The following ZHX3 variants were observed in gnomAD, a reference collection of about 807,000 sequenced individuals.
ZHX3 encodes the protein zinc fingers and homeoboxes protein 3.
ZHX3 carries 20 observed loss-of-function variants against 64.5 expected under a neutral mutation model. The ratio of observed to expected loss-of-function variants is 0.31; its 90% confidence interval spans 0.22 to 0.45. The LOEUF is 0.45. Among genes scored for constraint, ZHX3 ranks in the 20% least tolerant of loss-of-function variants. The pLI is 1.00. For missense variants in ZHX3, 1,041 were observed against 1,195.8 expected (o/e 0.87, Z 1.91); for synonymous variants, 423 against 461.6 (o/e 0.92, Z 1.07).
At chr20:41,238,938 G>A (rs6072313) in intron 2 of ZHX3, 15 of 150,798 alleles carry the variant, frequency 9.9e-5, no homozygotes, top group Non-Finnish European at 1.9e-4. Flanking sequence ...AGCGGCTTCA[G>A]GTTGAGTTTG....
intron 3 of ZHX3, among the ~76,000 whole-genome samples, chr20:41,193,589 G>A (rs2037225713): frequency 1.3e-5 from 2 of 151,950 alleles, no homozygotes; most frequent in Non-Finnish European, 2.9e-5. Context: ...ACTGTGCCCA[G>A]CTAAATACAA....
intron 2 of ZHX3, chr20:41,238,913 G>C (rs1469245669): frequency 6.6e-6 from 1 of 150,700 alleles, no homozygotes; most frequent in Admixed American, 6.6e-5. Flanking sequence ...GCTGGCACAT[G>C]CAAATGGAAA....
At position 41,224,794 on chromosome 20, in the gene ZHX3, A is replaced by T. The variant is rs377202205; in HGVS notation, c.-150-19728T>A. Among the ~76,000 whole-genome samples, 47 of 152,360 alleles carry T rather than the reference A, an allele frequency of 3.1e-4. No homozygotes were observed. Among genetic ancestry groups the T allele is most frequent in the African/African-American group, 1.1e-3 (46 of 41,594 alleles). On this transcript the variant is annotated intron_variant, in intron 2 of 3. Coordinates refer to ENST00000683867, the MANE Select transcript of ZHX3 (RefSeq NM_001384317.1). The surrounding 1 kb of genome is among the most constrained non-coding windows in gnomAD (Gnocchi z 5.2). The stretch of plus-strand genomic sequence containing the variant: ...TGAAATCTACCTTCTTAAGAAAGGA[A>T]TGTTAGACTTTCTCTGAACATCCTA...
intron 1 of ZHX3, among the ~76,000 whole-genome samples, chr20:41,285,292 T>C (rs1282341104): frequency 6.6e-6 from 1 of 152,230 alleles, no homozygotes; most frequent in East Asian, 1.9e-4. Context: ...TAAGCATCTC[T>C]GGACAAATCA....
At chr20:41,237,996 A>G (rs2041127034) in intron 2 of ZHX3, among the ~76,000 whole-genome samples, 1 of 152,202 alleles carries the variant, frequency 6.6e-6, no homozygotes, top group Non-Finnish European at 1.5e-5. Context: ...TCTTTGAGGT[A>G]AGGGTTCAGT....
At chr20:41,196,402 T>TAATATATATTTATATAAA in intron 3 of ZHX3, among the ~76,000 whole-genome samples, 1 of 54,214 alleles carries the variant, frequency 1.8e-5, no homozygotes, top group African/African-American at 7.1e-5. Flanking sequence ...TTTATATATA[T>TAATATATATTTATATAAA]TATATATTAT....
intron 2 of ZHX3, among the ~76,000 whole-genome samples, chr20:41,236,110 T>G (rs1243204843): frequency 1.3e-5 from 2 of 151,952 alleles, no homozygotes; most frequent in Non-Finnish European, 2.9e-5. Flanking sequence ...CACTGCTCAA[T>G]GAAATAAAAG....
At chr20:41,198,182 G>C (rs1229955256) in intron 3 of ZHX3, among the ~76,000 whole-genome samples, 2 of 151,906 alleles carry the variant, frequency 1.3e-5, no homozygotes, top group Admixed American at 6.6e-5. Context: ...ATTTTTTGTA[G>C]AGATGGGTTT....
Position 41,226,169 on chromosome 20 carries a change from G to A in ZHX3, c.-150-21103C>T, listed in dbSNP as rs539952889. ...TCCCAGCACTTTGGGAGGCCGAGGCGGGTGGATCATGAGGTCAGGAGATCG... is the reference window on the plus strand; with the variant it reads ...TCCCAGCACTTTGGGAGGCCGAGGCAGGTGGATCATGAGGTCAGGAGATCG... On this transcript the variant is annotated intron_variant, in intron 2 of 3. Transcript: ENST00000683867. This position sits in a 1 kb window ranked among gnomAD's most constrained non-coding sequence, Gnocchi z 4.4. 9.2e-5 allele frequency among the ~76,000 whole-genome samples: 14 copies of A among 152,126 alleles called. No individual in the cohort carries two copies. The highest frequency in any genetic ancestry group is 3.9e-4 in the East Asian group (2 of 5,164).
chr20:41,216,785 T>G (rs1198873434), intron 2 of ZHX3, among the ~76,000 whole-genome samples: 1 of 152,216 alleles, frequency 6.6e-6, no homozygotes, highest in Non-Finnish European at 1.5e-5. Context: ...AATACAAAAT[T>G]GTCTTTCAAG....
chr20:41,236,608 A>C (rs1250159036), intron 2 of ZHX3, among the ~76,000 whole-genome samples: 1 of 152,248 alleles, frequency 6.6e-6, no homozygotes, highest in East Asian at 1.9e-4. Context: ...TACACCTTAT[A>C]CAAAAATTAA....
chr20:41,307,482 TC>T (rs754985558), intron 1 of ZHX3, among the ~76,000 whole-genome samples: 3 of 152,186 alleles, frequency 2.0e-5, no homozygotes, highest in Non-Finnish European at 4.4e-5. Flanking sequence ...TATATCCCAT[TC>T]TTTCAGATCT....
Position 41,179,970 on chromosome 20 carries a change from C to G in ZHX3, c.*5221G>C, listed in dbSNP as rs2036187276. On this transcript the variant is annotated 3_prime_UTR_variant, in exon 4 of 4. Coordinates refer to ENST00000683867, the MANE Select transcript of ZHX3 (RefSeq NM_001384317.1). The surrounding 1 kb of genome is among the most constrained non-coding windows in gnomAD (Gnocchi z 4.3). ...TGAATCATCCACTTACGGAAAGGAA[C>G]AGAAGTTAAAAAGCATTAACCAAGA... 1 of 152,644 alleles carries G rather than the reference C, an allele frequency of 6.6e-6. No homozygotes were observed. The highest frequency in any genetic ancestry group is 1.5e-5 in the Non-Finnish European group (1 of 68,040). The allele number at this position is 152,644 out of a possible 1,614,324, so 9.5% of individuals were successfully genotyped here. A position where few individuals can be genotyped will look rare whatever the true frequency, so the allele number is the denominator to read the frequency against.
intron 2 of ZHX3, among the ~76,000 whole-genome samples, chr20:41,241,186 C>A (rs1312292212): frequency 6.6e-6 from 1 of 152,082 alleles, no homozygotes; most frequent in Non-Finnish European, 1.5e-5. Flanking sequence ...TTATTGCCTG[C>A]CTTTTGGATA....
intron 2 of ZHX3, among the ~76,000 whole-genome samples, chr20:41,259,002 A>AG (rs1282174468): frequency 1.3e-5 from 2 of 152,210 alleles, no homozygotes; most frequent in Non-Finnish European, 2.9e-5. Context: ...GCTTATTAAA[A>AG]AAAAACCACA....
chr20:41,312,209 T>G, intron 1 of ZHX3, among the ~76,000 whole-genome samples: 1 of 152,114 alleles, frequency 6.6e-6, no homozygotes, highest in East Asian at 1.9e-4. Flanking sequence ...GCTAGAGGTT[T>G]GTAAAACGCA....
chr20:41,206,750 C>A (rs2146258416), intron 2 of ZHX3, among the ~76,000 whole-genome samples: 1 of 152,204 alleles, frequency 6.6e-6, no homozygotes, highest in East Asian at 1.9e-4. Flanking sequence ...GGAGAACTTC[C>A]CCAACCTAGC....
chr20:41,246,684 C>T (rs1399517124), intron 2 of ZHX3, among the ~76,000 whole-genome samples: 1 of 150,514 alleles, frequency 6.6e-6, no homozygotes, highest in Non-Finnish European at 1.5e-5. Flanking sequence ...ACCAGCCTGG[C>T]CAACATGAGG....
At chr20:41,239,159 T>C (rs2041216171) in intron 2 of ZHX3, among the ~76,000 whole-genome samples, 1 of 150,204 alleles carries the variant, frequency 6.7e-6, no homozygotes, top group Non-Finnish European at 1.5e-5. Context: ...CCCACCACCA[T>C]GCCCCGCTAA....
Sources: allele counts gnomAD v4.1 joint callset (sites outside exome capture counted in the v4.1 genomes callset), GRCh38; gene constraint gnomAD v4.1.1; non-coding constraint Gnocchi (gnomAD v3.1); transcripts MANE v1.5; gene names NCBI Gene and HGNC (gene_info 2026-07-23, HGNC 2026-07-21).